The following ADAMTSL1 variants were observed in gnomAD, a reference collection of about 807,000 sequenced individuals.
ADAMTSL1 encodes ADAMTS-like protein 1.
A neutral mutation model predicts 201.8 loss-of-function variants in ADAMTSL1; 126 were observed. The ratio of observed to expected loss-of-function variants is 0.62; its 90% confidence interval spans 0.54 to 0.72. The LOEUF (loss-of-function observed/expected upper bound fraction) is 0.72. Ranked by LOEUF, ADAMTSL1 falls within the 30% of genes least tolerant of loss-of-function variation. ADAMTSL1 has a pLI of 0.00. For missense variants in ADAMTSL1, 2,679 were observed against 2,277.8 expected (o/e 1.18, Z -3.59); for synonymous variants, 1,121 against 903.4 (o/e 1.24, Z -4.32).
At chr9:18,658,595 GA>G (rs1157974698) in intron 8 of ADAMTSL1, among the ~76,000 whole-genome samples, 3 of 152,096 alleles carry the variant, frequency 2.0e-5, no homozygotes, top group African/African-American at 7.2e-5. Flanking sequence ...CATCTCTCCT[GA>G]AAAGTCACAA....
chr9:18,147,020 GT>G (rs967072849), intron 1 of ADAMTSL1, among the ~76,000 whole-genome samples: 1 of 151,962 alleles, frequency 6.6e-6, no homozygotes, highest in African/African-American at 2.4e-5. Context: ...TTACTTACAG[GT>G]TTTAGCATAG....
At chr9:18,179,465 C>T (rs1279060641) in intron 2 of ADAMTSL1, among the ~76,000 whole-genome samples, 15 of 152,060 alleles carry the variant, frequency 9.9e-5, no homozygotes, top group Non-Finnish European at 1.9e-4. Context: ...GGATATTATC[C>T]AGGAGAACTT....
At chr9:18,125,898 GC>G (rs1284802768) in intron 1 of ADAMTSL1, among the ~76,000 whole-genome samples, 1 of 152,178 alleles carries the variant, frequency 6.6e-6, no homozygotes, top group African/African-American at 2.4e-5. Context: ...AAGGGCAGGG[GC>G]TCTGGAATCA....
intron 1 of ADAMTSL1, among the ~76,000 whole-genome samples, chr9:17,918,050 T>C (rs2131285066): frequency 6.6e-6 from 1 of 152,034 alleles, no homozygotes; most frequent in South Asian, 2.1e-4. Flanking sequence ...TTCTTTCTTT[T>C]TCCCTGATCA....
At chr9:18,720,101 A>G (rs1172573369) in intron 14 of ADAMTSL1, among the ~76,000 whole-genome samples, 1 of 152,176 alleles carries the variant, frequency 6.6e-6, no homozygotes, top group Non-Finnish European at 1.5e-5. Flanking sequence ...TTGCCTCTTC[A>G]CTCAAACTGA....
At chr9:18,403,831 C>A (rs1001595894) in intron 2 of ADAMTSL1, among the ~76,000 whole-genome samples, 7 of 151,976 alleles carry the variant, frequency 4.6e-5, no homozygotes, top group Non-Finnish European at 8.8e-5. Flanking sequence ...TATTATGTTA[C>A]CCAAAAATAT....
intron 12 of ADAMTSL1, among the ~76,000 whole-genome samples, chr9:18,684,044 T>C (rs1480543945): frequency 1.3e-5 from 2 of 152,346 alleles, no homozygotes; most frequent in African/African-American, 4.8e-5. Context: ...AACATCCCTC[T>C]TCATTTTTCT....
intron 1 of ADAMTSL1, among the ~76,000 whole-genome samples, chr9:17,915,766 G>T (rs1057115136): frequency 6.6e-6 from 1 of 152,012 alleles, no homozygotes; most frequent in Non-Finnish European, 1.5e-5. Context: ...GCTTGTTCTG[G>T]GTTTTAATTT....
chr9:18,688,330 T>C (rs531193808), intron 13 of ADAMTSL1, among the ~76,000 whole-genome samples: 31 of 151,804 alleles, frequency 2.0e-4, no homozygotes, highest in African/African-American at 6.8e-4. Flanking sequence ...GGTTTCACCA[T>C]GTTGGCCAGG....
chr9:18,901,066 G>T (rs1237861524), intron 26 of ADAMTSL1, among the ~76,000 whole-genome samples: 1 of 151,770 alleles, frequency 6.6e-6, no homozygotes, highest in Non-Finnish European at 1.5e-5. Flanking sequence ...GCTTCCTGAG[G>T]CCTCACCACA....
At chr9:18,435,772 C>T (rs1257461134) in intron 2 of ADAMTSL1, among the ~76,000 whole-genome samples, 1 of 152,142 alleles carries the variant, frequency 6.6e-6, no homozygotes, top group East Asian at 1.9e-4. Context: ...TGGATGGTGG[C>T]AGGCAAGGAG....
At chr9:18,095,770 C>T (rs983608651) in intron 1 of ADAMTSL1, among the ~76,000 whole-genome samples, 10 of 152,128 alleles carry the variant, frequency 6.6e-5, no homozygotes, top group African/African-American at 2.4e-4. Flanking sequence ...ATTTCAGTCT[C>T]ATCTTGCATA....
intron 23 of ADAMTSL1, among the ~76,000 whole-genome samples, chr9:18,865,876 T>C (rs1189378274): frequency 6.6e-6 from 1 of 152,112 alleles, no homozygotes; most frequent in Non-Finnish European, 1.5e-5. Flanking sequence ...GCACTGTCAC[T>C]GCCTGCTGAT....
chr9:17,954,707 T>TG (rs541783253), intron 1 of ADAMTSL1, among the ~76,000 whole-genome samples: 52 of 152,170 alleles, frequency 3.4e-4, no homozygotes, highest in African/African-American at 1.2e-3. Context: ...GCCAGAGAAG[T>TG]GGGGGAAGTA....
intron 1 of ADAMTSL1, among the ~76,000 whole-genome samples, chr9:18,476,123 G>GT (rs1241421786): frequency 1.3e-5 from 2 of 152,116 alleles, no homozygotes; most frequent in East Asian, 3.9e-4. Flanking sequence ...AAATCTGAGA[G>GT]TTATGCTACA....
intron 22 of ADAMTSL1, 122 bp from the exon 23 acceptor site, chr9:18,829,721 A>C: frequency 7.5e-7 from 1 of 1,332,500 alleles, no homozygotes; most frequent in South Asian, 1.4e-5. Context: ...AAAGGCAACA[A>C]TAGTAATGCC....
At chr9:17,929,117 C>A (rs1243298573) in intron 1 of ADAMTSL1, among the ~76,000 whole-genome samples, 1 of 152,100 alleles carries the variant, frequency 6.6e-6, no homozygotes, top group Non-Finnish European at 1.5e-5. Flanking sequence ...ATAGGGGTTT[C>A]TAACCTTTTT....
At chr9:18,908,327 A>T (rs959369917) in intron 28 of ADAMTSL1, 115 bp from the exon 29 acceptor site, 5 of 858,244 alleles carry the variant, frequency 5.8e-6, no homozygotes, top group Non-Finnish European at 9.4e-6. Context: ...GGCAGACCCC[A>T]GGATGTACCC....
At chr9:17,940,971 C>G (rs1367163394) in intron 1 of ADAMTSL1, among the ~76,000 whole-genome samples, 2 of 151,888 alleles carry the variant, frequency 1.3e-5, no homozygotes, top group African/African-American at 4.8e-5. Flanking sequence ...CCTACAAATC[C>G]TACAAATTTT....
Sources: gnomAD v4.1 joint callset for allele counts (sites outside exome capture counted in the v4.1 genomes callset) on GRCh38, gnomAD v4.1.1 for gene constraint, MANE v1.5 for transcripts, NCBI Gene and HGNC (gene_info 2026-07-23, HGNC 2026-07-21) for gene names.